CPNE3: variants seen among roughly 807,000 people sequenced by gnomAD.
The protein encoded by CPNE3 is copine-3.
A neutral mutation model predicts 63.9 loss-of-function variants in CPNE3; 68 were observed. That is an observed-to-expected ratio of 1.06 (90% confidence interval 0.87 to 1.30). The LOEUF is 1.30. Among genes scored for constraint, CPNE3 ranks in the 50% most tolerant of loss-of-function variants. The pLI is 0.00. For synonymous variants in CPNE3, 219 were observed against 197.5 expected (o/e 1.11, Z -0.91); for missense variants, 665 against 578.1 (o/e 1.15, Z -1.54).
At chr8:86,525,657 T>C (rs1384737127) in intron 2 of CPNE3, among the ~76,000 whole-genome samples, 2 of 152,236 alleles carry the variant, frequency 1.3e-5, no homozygotes, top group African/African-American at 4.8e-5. Context: ...GCTCTTCTGA[T>C]ATGTGGTGTC....
At chr8:86,552,635 G>A (rs1415276111) in intron 14 of CPNE3, among the ~76,000 whole-genome samples, 1 of 151,344 alleles carries the variant, frequency 6.6e-6, no homozygotes, top group Non-Finnish European at 1.5e-5. Context: ...ATACTATACA[G>A]CAAAAAGCTC....
chr8:86,514,767 A>G (rs897209395), intron 1 of CPNE3: 2 of 152,042 alleles, frequency 1.3e-5, no homozygotes, highest in Non-Finnish European at 2.9e-5. Flanking sequence ...GGCTGGACCC[A>G]GGCACCGCCG....
chr8:86,543,646 G>A (rs140834802), intron 8 of CPNE3, among the ~76,000 whole-genome samples: 12 of 152,178 alleles, frequency 7.9e-5, no homozygotes, highest in African/African-American at 2.9e-4. Flanking sequence ...TACCACACAA[G>A]GCATACCGTC....
intron 6 of CPNE3, among the ~76,000 whole-genome samples, chr8:86,534,519 G>A (rs960225366): frequency 1.3e-5 from 2 of 152,156 alleles, no homozygotes; most frequent in Admixed American, 6.5e-5. Flanking sequence ...AGCTGGGCGT[G>A]GTGGTGCGTG....
rs2304789 is a variant in CPNE3, at chr8:86,554,965, C to T, written c.1235C>T (p.Thr412Met). Reference protein sequence around the residue: ...NHVARFAAAATQQQTASQYFV... With the variant: ...NHVARFAAAAMQQQTASQYFV... ...GTGGCCAGGTTTGCTGCTGCAGCCACGCAACAGCAGACAGCTTCTGTAAGT... is the reference window on the plus strand; with the variant it reads ...GTGGCCAGGTTTGCTGCTGCAGCCATGCAACAGCAGACAGCTTCTGTAAGT... Residue 412 changes from threonine (T) to methionine (M), a missense_variant, in exon 15 of 17, where the codon ACG (threonine) becomes ATG (methionine). Thr to Met is a moderately conservative substitution (Grantham distance 81). Coordinates refer to ENST00000517490, the MANE Select transcript of CPNE3 (RefSeq NM_003909.5). The T allele has an allele frequency of 0.3, 491,955 of 1,613,756 alleles. 78,868 individuals carry two copies. Among genetic ancestry groups the T allele is most frequent in the Non-Finnish European group, 0.32 (383,414 of 1,179,910 alleles).
In CPNE3 at chr8:86,559,818, T is replaced by C. The variant is rs1417664797; in HGVS notation, c.*1408T>C. The C allele has an allele frequency of 6.6e-6, 1 of 152,242 alleles. No homozygotes were observed. Among genetic ancestry groups the C allele is most frequent in the Non-Finnish European group, 1.5e-5 (1 of 68,040 alleles). The allele number at this position is 152,242 out of a possible 1,614,324, so 9.4% of individuals were successfully genotyped here. On this transcript the variant is annotated 3_prime_UTR_variant, in exon 17 of 17. Transcript: ENST00000517490. Reference sequence around the variant, plus strand: ...ATAATTTACCTTTTGAAATTGCATGTTTATCATATATCCTTAAGTGGACAC... The same window carrying C: ...ATAATTTACCTTTTGAAATTGCATGCTTATCATATATCCTTAAGTGGACAC...
At chr8:86,542,054 T>G (rs528698640) in intron 8 of CPNE3, among the ~76,000 whole-genome samples, 9 of 152,344 alleles carry the variant, frequency 5.9e-5, no homozygotes, top group Non-Finnish European at 1.2e-4. Flanking sequence ...AGTGGCATGC[T>G]TACAGGGCTA....
At chr8:86,526,366 T>A (rs535672223) in intron 2 of CPNE3, among the ~76,000 whole-genome samples, 1 of 151,986 alleles carries the variant, frequency 6.6e-6, no homozygotes, top group African/African-American at 2.4e-5. Flanking sequence ...AATCATGGAA[T>A]GGAATAATAA....
intron 9 of CPNE3, 23 bp downstream of exon 9, chr8:86,544,861 C>T (rs571824575): frequency 2.9e-5 from 40 of 1,379,456 alleles, no homozygotes; most frequent in South Asian, 1.7e-4. Context: ...CTTGCATTTG[C>T]ATATACTTTA....
At chr8:86,527,793 A>G (rs915749985) in intron 2 of CPNE3, among the ~76,000 whole-genome samples, 1 of 152,114 alleles carries the variant, frequency 6.6e-6, no homozygotes, top group Non-Finnish European at 1.5e-5. Context: ...TTGAAAACAG[A>G]AAATATCCCA....
intron 6 of CPNE3, among the ~76,000 whole-genome samples, chr8:86,534,560 G>T (rs1820760491): frequency 6.6e-6 from 1 of 152,182 alleles, no homozygotes; most frequent in Non-Finnish European, 1.5e-5. Flanking sequence ...GGAGGCTGAG[G>T]CAGGAGAATC....
At chr8:86,549,604 A>G (rs781517982) in intron 12 of CPNE3, among the ~76,000 whole-genome samples, 10 of 152,236 alleles carry the variant, frequency 6.6e-5, no homozygotes, top group Non-Finnish European at 1.3e-4. Flanking sequence ...AAATTAGAGT[A>G]CAGACCAGAC....
chr8:86,540,549 G>A (rs1432371845), intron 8 of CPNE3, among the ~76,000 whole-genome samples: 1 of 152,092 alleles, frequency 6.6e-6, no homozygotes, highest in African/African-American at 2.4e-5. Context: ...TTGACCTAAT[G>A]CTTAGTCAAA....
chr8:86,533,859 T>C (rs1477743905), intron 6 of CPNE3, among the ~76,000 whole-genome samples: 1 of 151,366 alleles, frequency 6.6e-6, no homozygotes, highest in Non-Finnish European at 1.5e-5. Flanking sequence ...TTCCTTTCTT[T>C]TATTTCTTTC....
rs1422591509 is a variant in CPNE3, at chr8:86,560,151, C to T, written c.*1741C>T. On this transcript the variant is annotated 3_prime_UTR_variant, in exon 17 of 17. Coordinates refer to ENST00000517490, the MANE Select transcript of CPNE3 (RefSeq NM_003909.5). ...CCATAGTATGGCTCAATAGATGACA[C>T]ATCATTTTGACATTATCAATAGGAG... 1 of 152,204 alleles carries T rather than the reference C, an allele frequency of 6.6e-6. No homozygotes were observed. Among genetic ancestry groups the T allele is most frequent in the Admixed American group, 6.5e-5 (1 of 15,286 alleles). 9.4% of individuals were successfully genotyped at this position (152,204 alleles called of 1,614,324 possible). A position where few individuals can be genotyped will look rare whatever the true frequency, so the allele number is the denominator to read the frequency against.
chr8:86,553,721 G>A (rs538505640), intron 14 of CPNE3, among the ~76,000 whole-genome samples: 14 of 150,634 alleles, frequency 9.3e-5, no homozygotes, highest in Admixed American at 4.0e-4. Context: ...CATTTTAAAA[G>A]CAAGAGACCT....
At chr8:86,521,745 A>T (rs1199250545) in intron 2 of CPNE3, 1 of 152,152 alleles carries the variant, frequency 6.6e-6, no homozygotes, top group African/African-American at 2.4e-5. Context: ...GAAGAAATTT[A>T]TATTTTTTTC....
chr8:86,532,953 G>T (rs1313890712), intron 6 of CPNE3, among the ~76,000 whole-genome samples: 1 of 152,040 alleles, frequency 6.6e-6, no homozygotes, highest in Non-Finnish European at 1.5e-5. Flanking sequence ...TTTTATGAAG[G>T]ATGAGTGCCA....
chr8:86,525,561 C>T (rs1036938546), intron 2 of CPNE3, among the ~76,000 whole-genome samples: 3 of 152,172 alleles, frequency 2.0e-5, no homozygotes, highest in African/African-American at 4.8e-5. Context: ...AGTAGTATAA[C>T]TGTCAGCAAT....
Sources: gnomAD v4.1 joint callset for allele counts (sites outside exome capture counted in the v4.1 genomes callset) on GRCh38, gnomAD v4.1.1 for gene constraint, MANE v1.5 for transcripts, NCBI Gene and HGNC (gene_info 2026-07-23, HGNC 2026-07-21) for gene names.